Variants in CFAP299 observed in about 807,000 individuals in gnomAD.
CFAP299 encodes cilia- and flagella-associated protein 299.
Under a neutral mutation model 27.0 loss-of-function variants are expected in CFAP299, and 21 were observed. The observed-to-expected ratio is 0.78, with a 90% confidence interval of 0.55 to 1.12. The LOEUF is 1.12. Among genes scored for constraint, CFAP299 ranks in the 50% most tolerant of loss-of-function variants. CFAP299 has a pLI of 0.00. For synonymous variants in CFAP299, 104 were observed against 98.1 expected, an observed-to-expected ratio of 1.06 and a Z score of -0.36; for missense variants, 310 against 276.6, an observed-to-expected ratio of 1.12 and a Z score of -0.86.
chr4:80,506,559 A>T (rs1427432273), intron 2 of CFAP299, among the ~76,000 whole-genome samples: 2 of 152,118 alleles, frequency 1.3e-5, no homozygotes, highest in African/African-American at 4.8e-5. Context: ...ATAAACTTTA[A>T]TTTTTCTGTC....
intron 2 of CFAP299, among the ~76,000 whole-genome samples, chr4:80,576,197 A>AATATAT (rs1553935643): frequency 8.9e-4 from 29 of 32,456 alleles, no homozygotes; most frequent in African/African-American, 1.7e-3. Flanking sequence ...TAAAAAAAAA[A>AATATAT]ATATATATAT....
chr4:80,530,534 A>G (rs193275243), intron 2 of CFAP299, among the ~76,000 whole-genome samples: 31 of 152,308 alleles, frequency 2.0e-4, no homozygotes, highest in Middle Eastern at 3.4e-3. Context: ...AATATTGAGT[A>G]TCTCCTATGT....
At chr4:80,824,880 G>T (rs1206520011) in intron 3 of CFAP299, among the ~76,000 whole-genome samples, 1 of 151,902 alleles carries the variant, frequency 6.6e-6, no homozygotes, top group Non-Finnish European at 1.5e-5. Context: ...GGCATACAAA[G>T]AAACAAAGTA....
At chr4:80,670,103 A>G (rs79895732) in intron 3 of CFAP299, among the ~76,000 whole-genome samples, 10,494 of 151,968 alleles carry the variant, frequency 0.069, 812 homozygotes, top group African/African-American at 0.18. Context: ...CTCGTCATTT[A>G]CATTAGGTAT....
chr4:80,393,782 T>C (rs1397499780), intron 2 of CFAP299, among the ~76,000 whole-genome samples: 1 of 152,190 alleles, frequency 6.6e-6, no homozygotes, highest in Non-Finnish European at 1.5e-5. Flanking sequence ...TTCCTGTTAT[T>C]AAGTAATGCA....
chr4:80,589,625 A>G (rs1310756693), intron 3 of CFAP299, among the ~76,000 whole-genome samples: 1 of 152,188 alleles, frequency 6.6e-6, no homozygotes, highest in Non-Finnish European at 1.5e-5. Flanking sequence ...TCCAATCAAC[A>G]ACTGAACAGA....
chr4:80,496,003 C>T (rs1012601697), intron 2 of CFAP299, among the ~76,000 whole-genome samples: 10 of 152,192 alleles, frequency 6.6e-5, no homozygotes, highest in African/African-American at 1.9e-4. Context: ...GGCCTCAAGG[C>T]CTATGATGAG....
chr4:80,789,171 T>A (rs181951453), intron 3 of CFAP299, among the ~76,000 whole-genome samples: 96 of 152,174 alleles, frequency 6.3e-4, no homozygotes, highest in Non-Finnish European at 1.3e-3. Flanking sequence ...AGCTGTTATC[T>A]GTATAAAAAT....
chr4:80,659,464 A>G (rs1426478144), intron 3 of CFAP299, among the ~76,000 whole-genome samples: 1 of 152,054 alleles, frequency 6.6e-6, no homozygotes, highest in Non-Finnish European at 1.5e-5. Context: ...AGAAAGAATA[A>G]CTCACTTGAA....
chr4:80,542,311 T>A (rs1734035045), intron 2 of CFAP299, among the ~76,000 whole-genome samples: 1 of 152,164 alleles, frequency 6.6e-6, no homozygotes, highest in Non-Finnish European at 1.5e-5. Flanking sequence ...CACCTTGTAA[T>A]CATCAGGCTT....
intron 3 of CFAP299, among the ~76,000 whole-genome samples, chr4:80,830,433 T>G (rs2110130991): frequency 6.6e-6 from 1 of 152,194 alleles, no homozygotes; most frequent in East Asian, 1.9e-4. Flanking sequence ...GAGGTAGGTT[T>G]AGGCAGAAGG....
chr4:80,519,012 A>G (rs536757195), intron 2 of CFAP299, among the ~76,000 whole-genome samples: 2 of 151,820 alleles, frequency 1.3e-5, no homozygotes, highest in South Asian at 4.2e-4. Context: ...GTACTAGATC[A>G]TAAGGCTTGA....
chr4:80,683,323 T>G (rs568588983), intron 3 of CFAP299, among the ~76,000 whole-genome samples: 1 of 152,336 alleles, frequency 6.6e-6, no homozygotes, highest in Non-Finnish European at 1.5e-5. Flanking sequence ...GTTCTTATGC[T>G]TCTTGTTAAC....
At chr4:80,735,163 C>A (rs1317797888) in intron 3 of CFAP299, among the ~76,000 whole-genome samples, 1 of 152,032 alleles carries the variant, frequency 6.6e-6, no homozygotes, top group East Asian at 1.9e-4. Context: ...ATAGATGCTT[C>A]ACTTATTTGG....
At chr4:80,585,976 T>C (rs1736415978) in intron 3 of CFAP299, among the ~76,000 whole-genome samples, 1 of 152,138 alleles carries the variant, frequency 6.6e-6, no homozygotes, top group Non-Finnish European at 1.5e-5. Flanking sequence ...GATAATAATT[T>C]TAATAATGGA....
intron 3 of CFAP299, among the ~76,000 whole-genome samples, chr4:80,670,821 C>G (rs1033054576): frequency 6.6e-6 from 1 of 152,190 alleles, no homozygotes; most frequent in African/African-American, 2.4e-5. Context: ...CCTTTGCCCA[C>G]TTTTTGATGC....
intron 3 of CFAP299, among the ~76,000 whole-genome samples, chr4:80,663,725 T>C (rs955332991): frequency 1.3e-5 from 2 of 152,190 alleles, no homozygotes; most frequent in African/African-American, 4.8e-5. Context: ...TCTTCCACAA[T>C]GGTTGAACTA....
chr4:80,534,401 T>A (rs1045822584), intron 2 of CFAP299, among the ~76,000 whole-genome samples: 2 of 151,760 alleles, frequency 1.3e-5, no homozygotes, highest in Non-Finnish European at 2.9e-5. Context: ...CATAGTTCTA[T>A]ACAGAGATAT....
chr4:80,898,785 G>A (rs1263564501), intron 4 of CFAP299, among the ~76,000 whole-genome samples: 1 of 152,136 alleles, frequency 6.6e-6, no homozygotes, highest in East Asian at 1.9e-4. Context: ...TATGATGATA[G>A]TGATGAGTAA....
Sources: allele counts gnomAD v4.1 joint callset (sites outside exome capture counted in the v4.1 genomes callset), GRCh38; gene constraint gnomAD v4.1.1; transcripts MANE v1.5; gene names NCBI Gene and HGNC (gene_info 2026-07-23, HGNC 2026-07-21).